CHRNA7: variants seen among roughly 807,000 people sequenced by gnomAD.
CHRNA7 encodes neuronal acetylcholine receptor subunit alpha-7.
Under a neutral mutation model 48.0 loss-of-function variants are expected in CHRNA7, and 17 were observed. That is an observed-to-expected ratio of 0.35 (90% CI 0.24 to 0.53). The LOEUF is 0.53. CHRNA7 is among the 20% of genes least tolerant of loss of function. The pLI, the probability that CHRNA7 is intolerant of heterozygous loss-of-function variation, is 0.92. For missense variants in CHRNA7, 155 were observed against 577.7 expected (o/e 0.27, Z 7.50); for synonymous variants, 75 against 242.3 (o/e 0.31, Z 6.41).
At chr15:32,094,547 T>C (rs1378874351) in intron 2 of CHRNA7, among the ~76,000 whole-genome samples, 1 of 152,242 alleles carries the variant, frequency 6.6e-6, no homozygotes, top group Non-Finnish European at 1.5e-5. Context: ...TGAGGAGATA[T>C]TGCCAGTTCG....
Position 32,149,128 on chromosome 15 carries a change from C to T in CHRNA7, c.351-4779C>T, listed in dbSNP as rs2051561389. Among the ~76,000 whole-genome samples the T allele has an allele frequency of 6.6e-6, 1 of 152,234 alleles. No individual in the cohort carries two copies. The highest frequency in any genetic ancestry group is 2.1e-4 in the South Asian group (1 of 4,832). On this transcript the variant is annotated intron_variant, in intron 4 of 9. Coordinates refer to ENST00000306901, the MANE Select transcript of CHRNA7 (RefSeq NM_000746.6). This position sits in a 1 kb window ranked among gnomAD's most constrained non-coding sequence, Gnocchi z 4.6. The stretch of plus-strand genomic sequence containing the variant: ...AGCTCCTGCAAGGACGGAGAGGCCA[C>T]AGGCCGGCATCTTCACAAACTGTGG...
chr15:32,092,573 C>T (rs1010095793), intron 2 of CHRNA7, among the ~76,000 whole-genome samples: 3 of 152,198 alleles, frequency 2.0e-5, no homozygotes, highest in Middle Eastern at 3.4e-3. Context: ...ATGCCTCATT[C>T]GTATTTTCTG....
chr15:32,061,671 G>A (rs1373127609), intron 2 of CHRNA7, among the ~76,000 whole-genome samples: 1 of 152,138 alleles, frequency 6.6e-6, no homozygotes, highest in African/African-American at 2.4e-5. Flanking sequence ...AGCCGGGCGT[G>A]GTGGCAGGTG....
At chr15:32,112,747 C>G (rs1210003328) in intron 4 of CHRNA7, among the ~76,000 whole-genome samples, 1 of 152,210 alleles carries the variant, frequency 6.6e-6, no homozygotes, top group South Asian at 2.1e-4. Context: ...TCCATGGTCA[C>G]TCGGTGATCC....
intron 2 of CHRNA7, chr15:32,100,935 A>G (rs550795482): frequency 4.8e-6 from 1 of 208,494 alleles, no homozygotes; most frequent in South Asian, 1.1e-4. Flanking sequence ...CCTGACTTTA[A>G]AAACTTGTAT....
chr15:32,057,106 G>GC lies in CHRNA7; in HGVS notation c.195+26070dup, dbSNP rs141644291. Among the ~76,000 whole-genome samples the GC allele has an allele frequency of 6.6e-3, 1,007 of 152,280 alleles. 5 individuals are homozygous for GC. Among genetic ancestry groups the GC allele is most frequent in the Middle Eastern group, 0.014 (4 of 294 alleles). On this transcript the variant is annotated intron_variant, in intron 2 of 9. Coordinates refer to ENST00000306901, the MANE Select transcript of CHRNA7 (RefSeq NM_000746.6). ...GCTGCCTGTGATTGGCTGAAATCTA[G>GC]CTGTTCATGGTTAGCTGAAACTCTG...
chr15:32,104,941 C>A (rs1360718650), intron 3 of CHRNA7, among the ~76,000 whole-genome samples: 1 of 152,126 alleles, frequency 6.6e-6, no homozygotes, highest in Non-Finnish European at 1.5e-5. Context: ...CTTCCTTAGC[C>A]CTCAGTAAGT....
At chr15:32,066,741 T>C (rs1336463825) in intron 2 of CHRNA7, among the ~76,000 whole-genome samples, 1 of 152,228 alleles carries the variant, frequency 6.6e-6, no homozygotes, top group Non-Finnish European at 1.5e-5. Flanking sequence ...CAAAACACTT[T>C]AAACCAGTTA....
At chr15:32,080,375 A>G (rs918433078) in intron 2 of CHRNA7, among the ~76,000 whole-genome samples, 7 of 152,204 alleles carry the variant, frequency 4.6e-5, no homozygotes, top group Non-Finnish European at 1.0e-4. Flanking sequence ...AGAATGTGAG[A>G]AAATTTTTAC....
At chr15:32,046,235 A>C (rs998883230) in intron 2 of CHRNA7, among the ~76,000 whole-genome samples, 11 of 150,680 alleles carry the variant, frequency 7.3e-5, no homozygotes, top group Non-Finnish European at 1.6e-4. Flanking sequence ...ATCCCTGAGG[A>C]ATCGCCACAC....
At chr15:32,109,326 G>A (rs2050724727) in intron 3 of CHRNA7, among the ~76,000 whole-genome samples, 4 of 152,168 alleles carry the variant, frequency 2.6e-5, no homozygotes, top group Admixed American at 2.6e-4. Flanking sequence ...TGGCCATCTT[G>A]GTTTTGGTGG....
At chr15:32,114,055 T>TAC (rs1321905511) in intron 4 of CHRNA7, among the ~76,000 whole-genome samples, 21 of 31,062 alleles carry the variant, frequency 6.8e-4, no homozygotes, top group African/African-American at 1.2e-3. Context: ...TATATATATA[T>TAC]ATATACATAT....
chr15:32,089,058 A>T (rs560384121), intron 2 of CHRNA7, among the ~76,000 whole-genome samples: 1 of 152,172 alleles, frequency 6.6e-6, no homozygotes, highest in African/African-American at 2.4e-5. Flanking sequence ...TATATTTTAC[A>T]TCTAGGCTTA....
At chr15:32,143,627 A>G (rs1292644525) in intron 4 of CHRNA7, among the ~76,000 whole-genome samples, 4 of 152,152 alleles carry the variant, frequency 2.6e-5, no homozygotes, top group African/African-American at 9.7e-5. Flanking sequence ...TATATTTAGG[A>G]TAGTTAGCTC....
chr15:32,077,814 G>C (rs1008739952), intron 2 of CHRNA7, among the ~76,000 whole-genome samples: 1 of 152,072 alleles, frequency 6.6e-6, no homozygotes, highest in African/African-American at 2.4e-5. Context: ...CATGATAAGA[G>C]AGGAAGCAAG....
intron 4 of CHRNA7, among the ~76,000 whole-genome samples, chr15:32,119,439 T>C (rs2050929366): frequency 1.3e-5 from 2 of 152,202 alleles, no homozygotes; most frequent in African/African-American, 4.8e-5. Flanking sequence ...AGGTCTGTCC[T>C]AGGAGCAAAT....
rs117612870 is a variant in CHRNA7 at position 32,095,640 on chromosome 15, G to A, written c.196-5663G>A. Among the ~76,000 whole-genome samples the A allele has an allele frequency of 5.4e-3, 823 of 152,048 alleles. 12 individuals carry two copies. The highest frequency in any genetic ancestry group is 0.034 in the Admixed American group (522 of 15,270). On this transcript the variant is annotated intron_variant, in intron 2 of 9. Transcript: ENST00000306901. ...CTGGTCCCTATGTCCTGTAGCCTCC[G>A]CAAACCTCTATGGAAGACTCAAGGG... is the stretch of plus-strand genomic sequence containing the variant.
At chr15:32,116,679 C>T (rs940589862) in intron 4 of CHRNA7, among the ~76,000 whole-genome samples, 1 of 152,212 alleles carries the variant, frequency 6.6e-6, no homozygotes, top group Non-Finnish European at 1.5e-5. Context: ...CGCAACTCTG[C>T]GGATGCCCCT....
In CHRNA7 at chr15:32,163,265, C is replaced by T; in HGVS notation, c.920C>T (p.Ser307Leu). Reference sequence around the variant, plus strand: ...AGCACCATGATCATCGTGGGCCTCTCGGTGGTGGTGACAGTGATCGTGCTG... The same window carrying T: ...AGCACCATGATCATCGTGGGCCTCTTGGTGGTGGTGACAGTGATCGTGCTG... ...FASTMIIVGL[S>L]VVVTVIVLQY... is the part of the protein sequence containing the mutation. Residue 307 changes from serine (S) to leucine (L), a missense_variant, in exon 9 of 10, where the codon TCG (serine) becomes TTG (leucine). Coordinates refer to ENST00000306901, the MANE Select transcript of CHRNA7 (RefSeq NM_000746.6). 2 of 782,768 alleles carry T rather than the reference C, an allele frequency of 2.6e-6. 1 individual carries two copies. Among genetic ancestry groups the T allele is most frequent in the Admixed American group, 4.9e-5 (2 of 41,030 alleles). 48.5% of individuals were successfully genotyped at this position (782,768 alleles called of 1,614,324 possible).
Sources: gnomAD v4.1 joint callset for allele counts (sites outside exome capture counted in the v4.1 genomes callset) on GRCh38, gnomAD v4.1.1 for gene constraint, Gnocchi (gnomAD v3.1) non-coding constraint, MANE v1.5 for transcripts, NCBI Gene and HGNC (gene_info 2026-07-23, HGNC 2026-07-21) for gene names.